Variants in CAST observed in about 807,000 individuals in gnomAD.
CAST encodes MIR583 host.
Under a neutral mutation model 119.6 loss-of-function variants are expected in CAST, and 76 were observed. That is an observed-to-expected ratio of 0.64 (90% CI 0.53 to 0.77). The LOEUF (loss-of-function observed/expected upper bound fraction) is 0.77. Ranked by LOEUF, CAST falls within the 30% of genes least tolerant of loss-of-function variation. CAST has a pLI of 0.00. For synonymous variants in CAST, 319 were observed against 331.6 expected (o/e 0.96, Z 0.41); for missense variants, 953 against 946.5 (o/e 1.01, Z -0.09).
intron 9 of CAST, among the ~76,000 whole-genome samples, chr5:96,735,610 A>AAATT (rs1450223565): frequency 1.3e-5 from 2 of 152,236 alleles, no homozygotes; most frequent in African/African-American, 2.4e-5. Flanking sequence ...GGAGGGAGAG[A>AAATT]TGCTCCAAGG....
At chr5:96,543,715 T>C (rs1293200740) in intron 1 of CAST, among the ~76,000 whole-genome samples, 1 of 152,226 alleles carries the variant, frequency 6.6e-6, no homozygotes, top group Non-Finnish European at 1.5e-5. Flanking sequence ...AGAAGTTTAA[T>C]GGTTTTAATT....
chr5:96,085,889 G>A, the CAST span, among the ~76,000 whole-genome samples: 1 of 152,176 alleles, frequency 6.6e-6, no homozygotes, highest in East Asian at 1.9e-4. Flanking sequence ...CTTTGTGTTG[G>A]CAATGTCTCT....
At chr5:96,606,324 C>T (rs1022018383) in intron 1 of CAST, among the ~76,000 whole-genome samples, 3 of 152,188 alleles carry the variant, frequency 2.0e-5, no homozygotes, top group African/African-American at 4.8e-5. Flanking sequence ...CTAACTTTGT[C>T]ATATTTGGTA....
the CAST span, among the ~76,000 whole-genome samples, chr5:96,065,571 C>T: frequency 1.3e-5 from 2 of 152,044 alleles, no homozygotes; most frequent in African/African-American, 2.4e-5. Flanking sequence ...GCATTTAGAA[C>T]ATGAGATAAG....
chr5:96,482,318 A>G, the CAST span, among the ~76,000 whole-genome samples: 2 of 151,898 alleles, frequency 1.3e-5, no homozygotes, highest in African/African-American at 4.8e-5. Context: ...AACTGAAGTC[A>G]GAAGGCTGCC....
chr5:96,019,598 GA>G, the CAST span, among the ~76,000 whole-genome samples: 2 of 151,816 alleles, frequency 1.3e-5, no homozygotes, highest in Non-Finnish European at 2.9e-5. Context: ...GCAAAACTCT[GA>G]AAAAAAATTC....
chr5:96,662,336 C>CT, upstream of CAST: 1 of 1,192,926 alleles, frequency 8.4e-7, no homozygotes, highest in Non-Finnish European at 1.1e-6. Flanking sequence ...TCCCTCCCTC[C>CT]CTCTCTCCCT....
chr5:96,225,031 C>T, the CAST span, among the ~76,000 whole-genome samples: 1 of 152,218 alleles, frequency 6.6e-6, no homozygotes, highest in African/African-American at 2.4e-5. Flanking sequence ...ATCATGTTGG[C>T]AGGCCTTACA....
chr5:96,612,553 C>T (rs886166993), intron 1 of CAST, among the ~76,000 whole-genome samples: 1 of 152,102 alleles, frequency 6.6e-6, no homozygotes, highest in Non-Finnish European at 1.5e-5. Context: ...CGTAACAAAC[C>T]TGCATACATA....
the CAST span, among the ~76,000 whole-genome samples, chr5:95,966,124 G>A: frequency 1.3e-3 from 199 of 152,180 alleles, 2 homozygotes; most frequent in African/African-American, 4.5e-3. Context: ...GGGATGGAGC[G>A]CAACCTAGAT....
At chr5:96,514,288 G>A in the CAST span, among the ~76,000 whole-genome samples, 2 of 152,124 alleles carry the variant, frequency 1.3e-5, no homozygotes, top group Non-Finnish European at 2.9e-5. Flanking sequence ...TAAGTACGTG[G>A]TTCACAGGTT....
chr5:96,349,139 A>ATTTTTTTTTTTTTTTTTTTTCTTTTT, the CAST span, among the ~76,000 whole-genome samples: 1 of 89,634 alleles, frequency 1.1e-5, no homozygotes, highest in Non-Finnish European at 2.1e-5. Flanking sequence ...CAAGGACACT[A>ATTTTTTTTTTTTTTTTTTTTCTTTTT]TTTTTTTTTT....
At chr5:96,682,438 C>T (rs1336022995) in intron 2 of CAST, among the ~76,000 whole-genome samples, 1 of 152,214 alleles carries the variant, frequency 6.6e-6, no homozygotes, top group African/African-American at 2.4e-5. Flanking sequence ...CCATCTCAAT[C>T]TATAGCTCTT....
chr5:96,344,093 T>C, the CAST span, among the ~76,000 whole-genome samples: 1 of 152,202 alleles, frequency 6.6e-6, no homozygotes, highest in East Asian at 1.9e-4. Context: ...AGTCCTGCCT[T>C]TGTCAGGCTG....
chr5:96,136,609 A>G, the CAST span, among the ~76,000 whole-genome samples: 9 of 152,340 alleles, frequency 5.9e-5, 1 homozygote, highest in Middle Eastern at 3.4e-3. Context: ...CTATATATAC[A>G]TATATGAATA....
the CAST span, among the ~76,000 whole-genome samples, chr5:96,074,341 G>A: frequency 6.6e-6 from 1 of 152,200 alleles, no homozygotes; most frequent in African/African-American, 2.4e-5. Context: ...ACCTTGGGAG[G>A]TAATTAGGTT....
the CAST span, among the ~76,000 whole-genome samples, chr5:96,236,808 C>G: frequency 6.6e-6 from 1 of 152,150 alleles, no homozygotes; most frequent in Non-Finnish European, 1.5e-5. Flanking sequence ...GTATTTATGA[C>G]CATGATAACT....
the CAST span, among the ~76,000 whole-genome samples, chr5:96,368,816 G>A: frequency 1.3e-5 from 2 of 152,036 alleles, no homozygotes; most frequent in Non-Finnish European, 2.9e-5. Context: ...AATCTTGCTT[G>A]TCTAAAAATA....
the CAST span, among the ~76,000 whole-genome samples, chr5:96,301,440 A>C: frequency 1.3e-5 from 2 of 152,162 alleles, no homozygotes; most frequent in African/African-American, 4.8e-5. Context: ...CCTTTCCAAC[A>C]GTCCCCCAAA....
Sources: allele counts gnomAD v4.1 joint callset (sites outside exome capture counted in the v4.1 genomes callset), GRCh38; gene constraint gnomAD v4.1.1; transcripts MANE v1.5; gene names NCBI Gene and HGNC (gene_info 2026-07-23, HGNC 2026-07-21).